The following CEP70 variants were observed in gnomAD, a reference collection of about 807,000 sequenced individuals.
The protein encoded by CEP70 is centrosomal protein 70.
A neutral mutation model predicts 90.9 loss-of-function variants in CEP70; 70 were observed. That is an observed-to-expected ratio of 0.77 (90% CI 0.64 to 0.94). The LOEUF is 0.94. Ranked by LOEUF, CEP70 falls within the 40% of genes least tolerant of loss-of-function variation. The probability of loss-of-function intolerance (pLI) is 0.00; values close to 1 mark genes in which losing one functional copy is unlikely to be tolerated. For missense variants in CEP70, 648 were observed against 669.0 expected (o/e 0.97, Z 0.35); for synonymous variants, 220 against 228.3 (o/e 0.96, Z 0.33).
chr3:138,560,792 G>A (rs2040351827), intron 6 of CEP70, among the ~76,000 whole-genome samples: 1 of 152,134 alleles, frequency 6.6e-6, no homozygotes, highest in African/African-American at 2.4e-5. Flanking sequence ...AGCTCAGCAA[G>A]GCTGCTGTGG....
chr3:138,589,319 C>T (rs749949313), intron 2 of CEP70, among the ~76,000 whole-genome samples: 5 of 151,958 alleles, frequency 3.3e-5, no homozygotes, highest in African/African-American at 4.8e-5. Flanking sequence ...AAACAACCAA[C>T]ACAGTGATAT....
intron 6 of CEP70, among the ~76,000 whole-genome samples, chr3:138,547,805 C>T (rs2039325788): frequency 1.3e-5 from 2 of 152,048 alleles, no homozygotes. Context: ...TGATTCATGT[C>T]CTGAATGGGA....
chr3:138,505,659 G>A (rs770054420), intron 12 of CEP70, among the ~76,000 whole-genome samples, 194 bp from the exon 13 acceptor site: 40 of 152,136 alleles, frequency 2.6e-4, no homozygotes, highest in Admixed American at 4.6e-4. Flanking sequence ...GTGAGTAAGC[G>A]AAGACCCAGA....
chr3:138,516,129 G>A (rs1321837982), intron 11 of CEP70, among the ~76,000 whole-genome samples: 2 of 152,088 alleles, frequency 1.3e-5, no homozygotes, highest in Non-Finnish European at 2.9e-5. Flanking sequence ...AGTACTTATA[G>A]CATATCGAAA....
intron 6 of CEP70, among the ~76,000 whole-genome samples, chr3:138,563,029 CA>C (rs543403068): frequency 0.013 from 1,760 of 134,890 alleles, 14 homozygotes; most frequent in African/African-American, 0.023. Flanking sequence ...AAATGGAAAG[CA>C]AAAAAAAAAA....
At chr3:138,586,461 T>G (rs1348790921) in intron 2 of CEP70, among the ~76,000 whole-genome samples, 4 of 152,208 alleles carry the variant, frequency 2.6e-5, no homozygotes, top group African/African-American at 9.6e-5. Context: ...AAAGAAAATC[T>G]GGTACATATA....
At chr3:138,537,107 A>G (rs913100073) in intron 7 of CEP70, 71 bp downstream of exon 7, 22 of 1,119,002 alleles carry the variant, frequency 2.0e-5, no homozygotes, top group Admixed American at 8.7e-5. Context: ...CCCCAAGATA[A>G]TATCAGGTAA....
chr3:138,513,122 G>T (rs2035679378), intron 11 of CEP70, among the ~76,000 whole-genome samples: 1 of 152,184 alleles, frequency 6.6e-6, no homozygotes, highest in African/African-American at 2.4e-5. Context: ...AATTACAAAG[G>T]CTCTGCCTGG....
chr3:138,568,143 T>C (rs185565060), intron 6 of CEP70, among the ~76,000 whole-genome samples: 1 of 152,292 alleles, frequency 6.6e-6, no homozygotes, highest in East Asian at 1.9e-4. Context: ...TCCCCTTCTA[T>C]GGGTGACTGA....
At chr3:138,552,256 AG>A (rs1307144887) in intron 6 of CEP70, among the ~76,000 whole-genome samples, 1 of 152,214 alleles carries the variant, frequency 6.6e-6, no homozygotes, top group East Asian at 1.9e-4. Context: ...TGACAGCACT[AG>A]ACAGGTCATC....
intron 6 of CEP70, among the ~76,000 whole-genome samples, chr3:138,547,598 G>A (rs2039309669): frequency 6.6e-6 from 1 of 152,136 alleles, no homozygotes; most frequent in South Asian, 2.1e-4. Flanking sequence ...CTTAAAGGAA[G>A]TACTTCACAG....
chr3:138,591,762 A>C, intron 2 of CEP70, 92 bp downstream of exon 2: 1 of 1,021,600 alleles, frequency 9.8e-7, no homozygotes, highest in East Asian at 2.6e-5. Flanking sequence ...AAAAGGAAAT[A>C]TATGTAATGA....
chr3:138,584,461 C>CAAAAAAAAAAAAAAAAAAAAAAA (rs35985463), intron 2 of CEP70, among the ~76,000 whole-genome samples: 2 of 92,176 alleles, frequency 2.2e-5, no homozygotes, highest in Non-Finnish European at 4.3e-5. Context: ...AAAGACATAT[C>CAAAAAAAAAAAAAAAAAAAAAAA]AAAAAAAAAA....
At chr3:138,508,616 T>G in intron 11 of CEP70, 72 bp from the exon 12 acceptor site, 2 of 951,758 alleles carry the variant, frequency 2.1e-6, no homozygotes, top group Non-Finnish European at 3.4e-6. Context: ...ATAAACTAAG[T>G]CAATGATCCA....
intron 10 of CEP70, among the ~76,000 whole-genome samples, chr3:138,527,355 G>A (rs1181905360): frequency 6.7e-6 from 1 of 149,950 alleles, no homozygotes; most frequent in East Asian, 2.0e-4. Context: ...AATATGGAAC[G>A]CTTCATGAAT....
At chr3:138,572,539 A>G (rs1458879285) in intron 3 of CEP70, among the ~76,000 whole-genome samples, 1 of 152,218 alleles carries the variant, frequency 6.6e-6, no homozygotes, top group African/African-American at 2.4e-5. Flanking sequence ...TACCTCTTAC[A>G]TTTTAAGATA....
chr3:138,508,144 G>A (rs1200805670), intron 12 of CEP70, among the ~76,000 whole-genome samples: 16 of 152,098 alleles, frequency 1.1e-4, no homozygotes, highest in East Asian at 1.9e-4. Context: ...GAAACAATAC[G>A]AGGGAAAATG....
At chr3:138,533,480 G>A (rs2038001359) in intron 7 of CEP70, among the ~76,000 whole-genome samples, 1 of 152,162 alleles carries the variant, frequency 6.6e-6, no homozygotes, top group Non-Finnish European at 1.5e-5. Context: ...AACTCTGTGG[G>A]TTCTTAACCA....
intron 7 of CEP70, among the ~76,000 whole-genome samples, chr3:138,533,240 C>T (rs759639312): frequency 6.7e-6 from 1 of 150,286 alleles, no homozygotes; most frequent in Admixed American, 6.6e-5. Flanking sequence ...AAGAGCGCAC[C>T]ACTGCACTAC....
Sources: allele counts gnomAD v4.1 joint callset (sites outside exome capture counted in the v4.1 genomes callset), GRCh38; gene constraint gnomAD v4.1.1; transcripts MANE v1.5; gene names NCBI Gene and HGNC (gene_info 2026-07-23, HGNC 2026-07-21).